The following CCDC171 variants were observed in gnomAD, a reference collection of about 807,000 sequenced individuals.
The protein encoded by CCDC171 is coiled-coil domain containing 171.
In CCDC171, 177 loss-of-function variants were observed where a neutral mutation model predicts 168.2. That is an observed-to-expected ratio of 1.05 (90% confidence interval 0.93 to 1.19). CCDC171 has a LOEUF of 1.19. CCDC171 is among the 50% of genes most tolerant of loss of function. CCDC171 has a pLI of 0.00. For missense variants in CCDC171, 1,991 were observed against 1,539.0 expected, an observed-to-expected ratio of 1.29 and a Z score of -4.91; for synonymous variants, 687 against 540.8, an observed-to-expected ratio of 1.27 and a Z score of -3.75.
At chr9:15,601,052 G>C (rs887492555) in intron 6 of CCDC171, among the ~76,000 whole-genome samples, 6 of 152,186 alleles carry the variant, frequency 3.9e-5, no homozygotes, top group African/African-American at 1.4e-4. Context: ...CCTTGGCTAG[G>C]AAAGGGAATT....
At chr9:15,984,452 A>G in intron 3 of CCDC171, among the ~76,000 whole-genome samples, 1 of 41,856 alleles carries the variant, frequency 2.4e-5, no homozygotes, top group Non-Finnish European at 4.6e-5. Flanking sequence ...ATATATATAT[A>G]TGTTTATATG....
At chr9:15,582,808 G>T (rs1225394886) in intron 4 of CCDC171, among the ~76,000 whole-genome samples, 1 of 151,920 alleles carries the variant, frequency 6.6e-6, no homozygotes, top group Non-Finnish European at 1.5e-5. Flanking sequence ...GGGAGGGATA[G>T]CATCAGGAGA....
intron 11 of CCDC171, among the ~76,000 whole-genome samples, chr9:15,719,360 A>C (rs1375096898): frequency 7.9e-6 from 1 of 126,178 alleles, no homozygotes; most frequent in Non-Finnish European, 1.6e-5. Context: ...AAAAGGGGAA[A>C]TCTAAGAGTT....
At chr9:15,639,675 C>T (rs1305173907) in intron 7 of CCDC171, among the ~76,000 whole-genome samples, 1 of 152,094 alleles carries the variant, frequency 6.6e-6, no homozygotes, top group Non-Finnish European at 1.5e-5. Context: ...TGTTACCATC[C>T]TCAGTGACTT....
chr9:16,027,581 A>G (rs1316130269), intron 6 of CCDC171, among the ~76,000 whole-genome samples: 1 of 152,226 alleles, frequency 6.6e-6, no homozygotes, highest in Non-Finnish European at 1.5e-5. Flanking sequence ...GCGCTTGTGT[A>G]TGAAGTCAGG....
chr9:15,792,270 A>C (rs1005722307), intron 21 of CCDC171, among the ~76,000 whole-genome samples: 1 of 152,228 alleles, frequency 6.6e-6, no homozygotes. Flanking sequence ...AGAAGTTTAG[A>C]GAAAACAGAG....
At chr9:15,756,679 A>G (rs2056137820) in intron 18 of CCDC171, among the ~76,000 whole-genome samples, 1 of 152,192 alleles carries the variant, frequency 6.6e-6, no homozygotes. Flanking sequence ...ATAATGGCTA[A>G]TAATGGTTTG....
At chr9:15,750,258 G>C (rs1168221441) in intron 18 of CCDC171, among the ~76,000 whole-genome samples, 1 of 152,014 alleles carries the variant, frequency 6.6e-6, no homozygotes, top group African/African-American at 2.4e-5. Flanking sequence ...ACCCTCCCAA[G>C]ACTAAACCAG....
At chr9:15,789,845 T>C (rs1007830226) in intron 21 of CCDC171, among the ~76,000 whole-genome samples, 1 of 148,976 alleles carries the variant, frequency 6.7e-6, no homozygotes. Context: ...AATGAGAACA[T>C]GCGGTGTTTG....
chr9:15,907,355 A>T (rs558864205), intron 24 of CCDC171, among the ~76,000 whole-genome samples: 1 of 152,230 alleles, frequency 6.6e-6, no homozygotes, highest in East Asian at 1.9e-4. Context: ...ATAATGCTGC[A>T]TATCTACAAC....
At chr9:16,064,512 CTG>C (rs754752548), downstream of CCDC171, among the ~76,000 whole-genome samples, 2 of 152,182 alleles carry the variant, frequency 1.3e-5, no homozygotes, top group African/African-American at 4.8e-5. Flanking sequence ...AGCCCTGACT[CTG>C]GGGTCCCATC....
intron 7 of CCDC171, among the ~76,000 whole-genome samples, chr9:15,640,909 C>G (rs1469782169): frequency 4.6e-5 from 7 of 152,006 alleles, no homozygotes; most frequent in Non-Finnish European, 8.8e-5. Context: ...ATAGTATTAA[C>G]AAGTGTGCCC....
chr9:15,808,352 C>A (rs2059169456), intron 21 of CCDC171, among the ~76,000 whole-genome samples: 1 of 152,128 alleles, frequency 6.6e-6, no homozygotes, highest in South Asian at 2.1e-4. Flanking sequence ...TGTATGCCTT[C>A]AAACATGAGT....
Position 15,691,546 on chromosome 9 carries a change from T to TATATATATATATATATATATA in CCDC171, c.1216-3689_1216-3688insATATATATATATATATATATA, listed in dbSNP as rs1554762228. Among the ~76,000 whole-genome samples, 256 of 106,266 alleles carry TATATATATATATATATATATA rather than the reference T, an allele frequency of 2.4e-3. 6 individuals carry two copies. Among genetic ancestry groups the TATATATATATATATATATATA allele is most frequent in the Non-Finnish European group, 3.3e-3 (180 of 54,100 alleles). The allele number at this position is 106,266 out of a possible 152,430, so 69.7% of individuals were successfully genotyped here. A position where few individuals can be genotyped will look rare whatever the true frequency, so the allele number is the denominator to read the frequency against. The stretch of plus-strand genomic sequence containing the variant: ...AAAAATACCTGTAAATATATGTTTT[T>TATATATATATATATATATATA]TATATATATATATATATATATATAT... On this transcript the variant is annotated intron_variant, in intron 10 of 25. Coordinates refer to ENST00000380701, the MANE Select transcript of CCDC171 (RefSeq NM_173550.4).
chr9:15,807,113 G>C (rs1228530327), intron 21 of CCDC171, among the ~76,000 whole-genome samples: 1 of 152,152 alleles, frequency 6.6e-6, no homozygotes, highest in Non-Finnish European at 1.5e-5. Context: ...GTCAGCTCCT[G>C]TATGGTTTTA....
At chr9:15,712,510 C>T (rs1436487730) in intron 11 of CCDC171, among the ~76,000 whole-genome samples, 2 of 152,152 alleles carry the variant, frequency 1.3e-5, no homozygotes, top group Non-Finnish European at 2.9e-5. Context: ...ATTCTCTGAT[C>T]AGAAGCAATG....
intron 11 of CCDC171, among the ~76,000 whole-genome samples, chr9:15,719,148 GAATC>G (rs149725055): frequency 0.046 from 6,973 of 151,800 alleles, 340 homozygotes; most frequent in South Asian, 0.12. Flanking sequence ...GAAATAAAAA[GAATC>G]AAGCAGAAAT....
At chr9:15,569,514 T>TA (rs2040027902) in intron 2 of CCDC171, among the ~76,000 whole-genome samples, 1 of 152,232 alleles carries the variant, frequency 6.6e-6, no homozygotes, top group African/African-American at 2.4e-5. Context: ...TCTTCTAATT[T>TA]AAAAAATTTT....
chr9:15,752,264 G>C (rs2055801635), intron 18 of CCDC171, among the ~76,000 whole-genome samples: 1 of 152,218 alleles, frequency 6.6e-6, no homozygotes, highest in Non-Finnish European at 1.5e-5. Context: ...ACAGATGCTG[G>C]AGAGGATGTG....
Sources: allele counts gnomAD v4.1 joint callset (sites outside exome capture counted in the v4.1 genomes callset), GRCh38; gene constraint gnomAD v4.1.1; transcripts MANE v1.5; gene names NCBI Gene and HGNC (gene_info 2026-07-23, HGNC 2026-07-21).